Variants in MPRIP observed in about 807,000 individuals in gnomAD.
The protein encoded by MPRIP is myosin phosphatase Rho interacting protein, also known as myosin phosphatase Rho-interacting protein.
A neutral mutation model predicts 234.9 loss-of-function variants in MPRIP; 59 were observed. That is an observed-to-expected ratio of 0.25 (90% CI 0.20 to 0.31). MPRIP has a LOEUF of 0.31. Ranked by LOEUF, MPRIP falls within the 10% of genes least tolerant of loss-of-function variation. The probability of loss-of-function intolerance (pLI) is 1.00; values close to 1 mark genes in which losing one functional copy is unlikely to be tolerated. For missense variants in MPRIP, 2,436 were observed against 3,071.0 expected (o/e 0.79, Z 4.89); for synonymous variants, 1,144 against 1,263.9 (o/e 0.91, Z 2.01).
intron 1 of MPRIP, among the ~76,000 whole-genome samples, chr17:17,044,279 T>C (rs1407767199): frequency 6.6e-6 from 1 of 152,236 alleles, no homozygotes; most frequent in Non-Finnish European, 1.5e-5. Context: ...GAGGGTGTTT[T>C]GGAGTGTAAA....
At chr17:17,095,128 G>A (rs2089810105) in intron 3 of MPRIP, among the ~76,000 whole-genome samples, 1 of 152,076 alleles carries the variant, frequency 6.6e-6, no homozygotes, top group African/African-American at 2.4e-5. Context: ...TGTTTTCCGT[G>A]TGTCCTCTTT....
intron 3 of MPRIP, among the ~76,000 whole-genome samples, chr17:17,101,839 G>A (rs972782112): frequency 3.9e-5 from 6 of 152,158 alleles, no homozygotes; most frequent in Admixed American, 3.9e-4. Context: ...CCAGGCCATG[G>A]GCTGCCTTCA....
intron 14 of MPRIP, among the ~76,000 whole-genome samples, chr17:17,159,905 C>A (rs2045824886): frequency 6.6e-6 from 1 of 152,192 alleles, no homozygotes; most frequent in South Asian, 2.1e-4. Context: ...TGAGTTACCA[C>A]CAGCACTAAT....
intron 12 of MPRIP, 70 bp from the exon 13 acceptor site, chr17:17,154,236 T>G (rs1684476694): frequency 7.3e-7 from 1 of 1,367,508 alleles, no homozygotes; most frequent in South Asian, 1.2e-5. Context: ...GCAGGGAGCT[T>G]CTTTGGAGAT....
chr17:17,117,247 T>C (rs1305745006), intron 3 of MPRIP, among the ~76,000 whole-genome samples: 1 of 152,248 alleles, frequency 6.6e-6, no homozygotes, highest in Non-Finnish European at 1.5e-5. Flanking sequence ...GGGTGTGCCA[T>C]CCCGAGCCTG....
chr17:17,098,239 C>T (rs2089889522), intron 3 of MPRIP, among the ~76,000 whole-genome samples: 1 of 152,184 alleles, frequency 6.6e-6, no homozygotes, highest in African/African-American at 2.4e-5. Flanking sequence ...AACCTCTTTC[C>T]CCAGAACCTG....
At chr17:17,043,874 C>G (rs971916138) in intron 1 of MPRIP, among the ~76,000 whole-genome samples, 1 of 152,206 alleles carries the variant, frequency 6.6e-6, no homozygotes, top group African/African-American at 2.4e-5. Flanking sequence ...TCATCTCCAT[C>G]CTCTTCAGAG....
chr17:17,097,232 C>G (rs1135237), intron 3 of MPRIP: 16,500 of 185,600 alleles, frequency 0.089, 937 homozygotes, highest in Middle Eastern at 0.15. Context: ...AGGTAAAAAT[C>G]GGTTCATATT....
chr17:17,124,753 G>A (rs113197472), intron 3 of MPRIP, among the ~76,000 whole-genome samples: 2 of 152,296 alleles, frequency 1.3e-5, no homozygotes, highest in East Asian at 1.9e-4. Flanking sequence ...CTTTTGCATG[G>A]GGGTGTTGGG....
chr17:17,126,957 C>A, intron 4 of MPRIP, 104 bp downstream of exon 4: 1 of 1,371,874 alleles, frequency 7.3e-7, no homozygotes, highest in East Asian at 2.3e-5. Context: ...TCTACTTCCC[C>A]GTGTGCCTCT....
At chr17:17,161,595 G>A (rs1203027063) in intron 15 of MPRIP, among the ~76,000 whole-genome samples, 2 of 152,120 alleles carry the variant, frequency 1.3e-5, no homozygotes, top group Non-Finnish European at 2.9e-5. Flanking sequence ...TATATCTAAG[G>A]ACTTTTTTTG....
At chr17:17,072,475 A>C (rs867921203) in intron 1 of MPRIP, among the ~76,000 whole-genome samples, 1 of 152,226 alleles carries the variant, frequency 6.6e-6, no homozygotes, top group Non-Finnish European at 1.5e-5. Context: ...AAGACATGTC[A>C]TAGCAATGTA....
intron 2 of MPRIP, chr17:17,077,517 T>G (rs1490122835): frequency 6.4e-6 from 1 of 155,772 alleles, no homozygotes; most frequent in Non-Finnish European, 1.4e-5. Flanking sequence ...TGGCTGTTTT[T>G]GTGCCTCCTC....
At chr17:17,123,831 G>T (rs1364530334) in intron 3 of MPRIP, among the ~76,000 whole-genome samples, 1 of 152,064 alleles carries the variant, frequency 6.6e-6, no homozygotes, top group Non-Finnish European at 1.5e-5. Context: ...TTGGGCTCTG[G>T]AGTTAAAATA....
chr17:17,173,922 G>T lies in MPRIP; in HGVS notation c.6597G>T (p.Glu2199Asp). The T allele has an allele frequency of 1.9e-6, 3 of 1,613,494 alleles. No individual in the cohort carries two copies. The highest frequency in any genetic ancestry group is 2.5e-6 in the Non-Finnish European group (3 of 1,179,914). The change falls in exon 19 of 24, where the codon GAG (glutamate) becomes GAT (aspartate). Residue 2199 changes from glutamate (E) to aspartate (D), a missense_variant. By Grantham distance (45) the Glu-to-Asp change is conservative. Around this residue, in one of 4 missense-constraint regions of MPRIP, gnomAD observed 1,998 missense variants for 2,520.3 expected, o/e 0.79. Coordinates refer to ENST00000651222, the MANE Select transcript of MPRIP (RefSeq NM_001364716.4). Reference sequence around the variant, plus strand: ...AGTGCTGCCCTCTCCCCAGGGAGGAGCTGCAGTCGGTGCAGCGGGAACTGG... The same window carrying T: ...AGTGCTGCCCTCTCCCCAGGGAGGATCTGCAGTCGGTGCAGCGGGAACTGG... ...VEALRRQYLE[E>D]LQSVQRELEV...
chr17:17,132,829 G>C (rs896588763), intron 5 of MPRIP, among the ~76,000 whole-genome samples: 1 of 152,246 alleles, frequency 6.6e-6, no homozygotes, highest in Non-Finnish European at 1.5e-5. Context: ...AAAATACAGA[G>C]TGGTTCCTGG....
At chr17:17,141,791 C>G (rs928870588) in intron 7 of MPRIP, 2 of 152,746 alleles carry the variant, frequency 1.3e-5, no homozygotes, top group African/African-American at 4.8e-5. Flanking sequence ...AGAACAGGCC[C>G]GGCCCTGTGA....
intron 17 of MPRIP, among the ~76,000 whole-genome samples, chr17:17,172,241 C>T (rs1490625606): frequency 6.6e-6 from 1 of 152,250 alleles, no homozygotes; most frequent in African/African-American, 2.4e-5. Context: ...CTGCCGTCAG[C>T]GTGAAGATAT....
Position 17,192,427 on chromosome 17 carries a change from T to TGGGGGGGGGGG in MPRIP, c.*7538_*7548dup, listed in dbSNP as rs1555603013. 2.1e-4 allele frequency: 1 copy of TGGGGGGGGGGG among 4,814 alleles called. No homozygotes were observed. The highest frequency in any genetic ancestry group is 5.2e-4 in the Non-Finnish European group (1 of 1,922). The allele number at this position is 4,814 out of a possible 1,614,324, so 0.3% of individuals were successfully genotyped here. A position where few individuals can be genotyped will look rare whatever the true frequency, so the allele number is the denominator to read the frequency against. ...ACCAGCTGAGCTGCTGCTTTTTTTT[T>TGGGGGGGGGGG]GGGGGGGGGGGGGGGAGGGGCGTCT... On this transcript the variant is annotated 3_prime_UTR_variant, in exon 24 of 24. Transcript: ENST00000651222.
Sources: allele counts gnomAD v4.1 joint callset (sites outside exome capture counted in the v4.1 genomes callset), GRCh38; gene constraint gnomAD v4.1.1; regional missense constraint gnomAD v4.1.1; transcripts MANE v1.5; gene names NCBI Gene and HGNC (gene_info 2026-07-23, HGNC 2026-07-21).